C4orf51: variants seen among roughly 807,000 people sequenced by gnomAD.
C4orf51 encodes chromosome 4 open reading frame 51, also known as uncharacterized protein C4orf51.
C4orf51 carries 25 observed loss-of-function variants against 25.2 expected under a neutral mutation model. That is an observed-to-expected ratio of 0.99 (90% CI 0.72 to 1.39). The LOEUF is 1.39. Among genes scored for constraint, C4orf51 ranks in the 40% most tolerant of loss-of-function variants. The pLI is 0.00. For synonymous variants in C4orf51, 100 were observed against 84.5 expected, an observed-to-expected ratio of 1.18 and a Z score of -1.01; for missense variants, 252 against 239.6, an observed-to-expected ratio of 1.05 and a Z score of -0.34.
chr4:145,737,949 G>A (rs1306522200), intron 1 of C4orf51, among the ~76,000 whole-genome samples: 2 of 152,136 alleles, frequency 1.3e-5, no homozygotes, highest in Non-Finnish European at 2.9e-5. Flanking sequence ...AACCAGACAG[G>A]TTAAATTCAT....
intron 1 of C4orf51, among the ~76,000 whole-genome samples, chr4:145,683,507 A>C (rs918944802): frequency 6.6e-6 from 1 of 152,242 alleles, no homozygotes; most frequent in Admixed American, 6.5e-5. Context: ...AATGCTCACT[A>C]TAAAGCCAAA....
chr4:145,698,843 G>A (rs754578206), intron 2 of C4orf51, among the ~76,000 whole-genome samples: 3 of 152,204 alleles, frequency 2.0e-5, no homozygotes, highest in Non-Finnish European at 2.9e-5. Flanking sequence ...CTGAGCCCAA[G>A]CCAAGCCATC....
At chr4:145,693,884 G>A (rs1202368162) in intron 1 of C4orf51, among the ~76,000 whole-genome samples, 6 of 131,458 alleles carry the variant, frequency 4.6e-5, no homozygotes, top group African/African-American at 5.7e-5. Context: ...GCTGCCGGGC[G>A]GAGACGCTCC....
At chr4:145,727,928 ATAT>A (rs1732172168) in intron 3 of C4orf51, among the ~76,000 whole-genome samples, 2 of 92,092 alleles carry the variant, frequency 2.2e-5, no homozygotes, top group African/African-American at 1.3e-4. Context: ...TATATAAAAT[ATAT>A]TATATATATA....
At chr4:145,789,771 G>T in the C4orf51 span, among the ~76,000 whole-genome samples, 1 of 152,122 alleles carries the variant, frequency 6.6e-6, no homozygotes. Flanking sequence ...TTACAATCTC[G>T]ATTTGTTCCA....
At chr4:145,727,876 C>A in intron 3 of C4orf51, among the ~76,000 whole-genome samples, 1 of 109,322 alleles carries the variant, frequency 9.1e-6, no homozygotes, top group East Asian at 2.5e-4. Flanking sequence ...GAGTGAAACT[C>A]CACCTACAAA....
chr4:145,692,829 ACC>A (rs373349822), intron 1 of C4orf51, among the ~76,000 whole-genome samples: 30 of 152,060 alleles, frequency 2.0e-4, no homozygotes, highest in African/African-American at 7.0e-4. Flanking sequence ...TGCACTTCCC[ACC>A]CAGTCCCTGC....
At position 145,764,789 on chromosome 4, in the gene C4orf51, A is replaced by G. The variant is rs1021484673; in HGVS notation, n.167-6199A>G. 54 of 663,310 alleles carry G rather than the reference A, an allele frequency of 8.1e-5. No individual in the cohort carries two copies. The Admixed American group carries it at 1.4e-3, about 17-fold the overall frequency. The allele number at this position is 663,310 out of a possible 1,614,324, so 41.1% of individuals were successfully genotyped here. ...GGGTATTTGCAAAATGGATTCTCCT[A>G]CTGACATCTGTTGACACCCTAGGGG... On this transcript the variant is annotated intron_variant and non_coding_transcript_variant, in intron 1 of 1. Transcript: ENST00000510096.
chr4:145,744,099 C>T (rs1733236627), intron 1 of C4orf51, among the ~76,000 whole-genome samples: 1 of 152,064 alleles, frequency 6.6e-6, no homozygotes, highest in Non-Finnish European at 1.5e-5. Flanking sequence ...CATTCCTTAT[C>T]AGCTGCCAAC....
At chr4:145,693,853 A>C (rs1370828003) in intron 1 of C4orf51, among the ~76,000 whole-genome samples, 1 of 68,328 alleles carries the variant, frequency 1.5e-5, no homozygotes, top group African/African-American at 6.3e-5. Flanking sequence ...GACCCCCCCC[A>C]CCTCCCTCCC....
At chr4:145,764,964 A>G (rs1392828925) in intron 1 of C4orf51, 5 of 1,609,516 alleles carry the variant, frequency 3.1e-6, no homozygotes, top group Non-Finnish European at 4.2e-6. Flanking sequence ...ACGCAGTAAA[A>G]GGTTCTGTAC....
chr4:145,733,538 G>A (rs1171468127), downstream of C4orf51, among the ~76,000 whole-genome samples: 1 of 146,420 alleles, frequency 6.8e-6, no homozygotes, highest in African/African-American at 2.5e-5. Flanking sequence ...CCCCAGCCCC[G>A]CTCTCTGCTC....
intron 2 of C4orf51, among the ~76,000 whole-genome samples, chr4:145,714,551 CT>C (rs1731299560): frequency 6.6e-6 from 1 of 152,126 alleles, no homozygotes; most frequent in African/African-American, 2.4e-5. Context: ...GGTTCATGTG[CT>C]GTTTTTCTGA....
At chr4:145,687,475 A>G (rs999429835) in intron 1 of C4orf51, among the ~76,000 whole-genome samples, 3 of 152,238 alleles carry the variant, frequency 2.0e-5, no homozygotes, top group Non-Finnish European at 4.4e-5. Context: ...TAACTGAGAC[A>G]TGTCTCAAAT....
chr4:145,743,373 T>G (rs1387985059), intron 1 of C4orf51, among the ~76,000 whole-genome samples: 2 of 151,994 alleles, frequency 1.3e-5, no homozygotes, highest in Non-Finnish European at 2.9e-5. Flanking sequence ...TGGCAGAAGG[T>G]GGGAGGGCAA....
chr4:145,761,682 T>A lies in C4orf51; in HGVS notation n.167-9306T>A. On this transcript the variant is annotated intron_variant and non_coding_transcript_variant, in intron 1 of 1. Coordinates refer to the C4orf51 transcript ENST00000510096. This position sits in a 1 kb window ranked among gnomAD's most constrained non-coding sequence, Gnocchi z 6.8. ...TTCTCGCCGCCTCACCAGCCTTCCC[T>A]CACACCACCCCCCAGTGTCTGAGGC... 1 of 845,350 alleles carries A rather than the reference T, an allele frequency of 1.2e-6. No homozygotes were observed. Among genetic ancestry groups the A allele is most frequent in the Non-Finnish European group, 1.6e-6 (1 of 614,212 alleles). The allele number at this position is 845,350 out of a possible 1,614,324, so 52.4% of individuals were successfully genotyped here.
chr4:145,730,262 G>T (rs1008730859), intron 5 of C4orf51, among the ~76,000 whole-genome samples: 4 of 152,180 alleles, frequency 2.6e-5, no homozygotes, highest in Non-Finnish European at 4.4e-5. Context: ...ATTTTCATCG[G>T]TGAGTTGTTG....
chr4:145,773,669 T>C, downstream of C4orf51, among the ~76,000 whole-genome samples: 1 of 152,200 alleles, frequency 6.6e-6, no homozygotes, highest in East Asian at 1.9e-4. Flanking sequence ...CATCAATAAA[T>C]GGAAGAAGTT....
chr4:145,714,368 A>G (rs28800526), intron 2 of C4orf51, among the ~76,000 whole-genome samples: 62,495 of 152,050 alleles, frequency 0.41, 13,054 homozygotes, highest in Admixed American at 0.55. Context: ...AGCAGCTAAA[A>G]TCTACTCATT....
Sources: allele counts gnomAD v4.1 joint callset (sites outside exome capture counted in the v4.1 genomes callset), GRCh38; gene constraint gnomAD v4.1.1; non-coding constraint Gnocchi (gnomAD v3.1); transcripts MANE v1.5; gene names NCBI Gene and HGNC (gene_info 2026-07-23, HGNC 2026-07-21).